ZNF618: variants seen among roughly 807,000 people sequenced by gnomAD.
ZNF618 encodes the protein zinc finger protein 618.
ZNF618 carries 34 observed loss-of-function variants against 103.0 expected under a neutral mutation model. That is an observed-to-expected ratio of 0.33 (90% confidence interval 0.25 to 0.44). ZNF618 has a LOEUF of 0.44. ZNF618 is among the 20% of genes least tolerant of loss of function. The probability of loss-of-function intolerance (pLI) is 1.00; values close to 1 mark genes in which losing one functional copy is unlikely to be tolerated. For missense variants in ZNF618, 1,059 were observed against 1,295.4 expected, an observed-to-expected ratio of 0.82 and a Z score of 2.80; for synonymous variants, 551 against 542.2, an observed-to-expected ratio of 1.02 and a Z score of -0.23.
At chr9:113,986,630 G>T (rs1839508810) in intron 2 of ZNF618, among the ~76,000 whole-genome samples, 1 of 152,098 alleles carries the variant, frequency 6.6e-6, no homozygotes, top group Non-Finnish European at 1.5e-5. Flanking sequence ...GGCCCCTCCA[G>T]TGTGACCTCA....
At chr9:113,932,668 T>A (rs575904963) in intron 1 of ZNF618, among the ~76,000 whole-genome samples, 2 of 152,226 alleles carry the variant, frequency 1.3e-5, no homozygotes, top group East Asian at 3.9e-4. Flanking sequence ...ATGAAGGAAT[T>A]GAGGCTAACC....
At chr9:113,898,466 G>T (rs1830234358) in intron 1 of ZNF618, among the ~76,000 whole-genome samples, 1 of 148,808 alleles carries the variant, frequency 6.7e-6, no homozygotes, top group African/African-American at 2.5e-5. Context: ...TAAGAGATGG[G>T]GTCTTGCCTT....
In ZNF618 at chr9:113,881,848, C is replaced by T. The variant is rs75304877; in HGVS notation, c.33+5435C>T. Among the ~76,000 whole-genome samples the T allele has an allele frequency of 3.0e-4, 45 of 152,272 alleles. 1 individual carries two copies. In the East Asian group the frequency reaches 8.5e-3, roughly 29 times the overall value. On this transcript the variant is annotated intron_variant, in intron 1 of 14. Transcript: ENST00000374126. ...TAGCCCACATTTCCCTTTTATTTGT[C>T]CCAACGCAGACTTCTGCCAGGGTTA...
At chr9:114,014,905 A>G (rs1177359154) in intron 9 of ZNF618, among the ~76,000 whole-genome samples, 2 of 152,222 alleles carry the variant, frequency 1.3e-5, no homozygotes, top group East Asian at 3.8e-4. Flanking sequence ...GTTACTAAAT[A>G]TAGTTCACAG....
Position 114,002,606 on chromosome 9 carries a change from C to T in ZNF618, c.512-18C>T, listed in dbSNP as rs1176702411. 1.9e-6 allele frequency: 3 copies of T among 1,601,410 alleles called. No individual in the cohort carries two copies. The highest frequency in any genetic ancestry group is 2.6e-6 in the Non-Finnish European group (3 of 1,173,538). ...GCCCGGTAGCCCCACCCCCATCCCT[C>T]TCTCTCTCTCTTTGCAGACACCGAA... On this transcript the variant is annotated intron_variant, in intron 5 of 14. Transcript: ENST00000374126.
chr9:113,953,187 C>T (rs1384801154), intron 1 of ZNF618, among the ~76,000 whole-genome samples: 1 of 152,148 alleles, frequency 6.6e-6, no homozygotes, highest in Non-Finnish European at 1.5e-5. Flanking sequence ...CTGTTCGGCT[C>T]CCAGGTGGAG....
intron 1 of ZNF618, among the ~76,000 whole-genome samples, chr9:113,962,124 C>T (rs1292618731): frequency 1.3e-5 from 2 of 152,136 alleles, no homozygotes; most frequent in East Asian, 1.9e-4. Context: ...TCTCATTCGG[C>T]GTAACTTATC....
chr9:114,050,161 G>A lies in ZNF618; in HGVS notation c.2859G>A (p.Met953Ile), dbSNP rs765800326. ...AACTCATGTTTCTGAAATCCAACATGCTTTAAGACTTGACTTCGGGGGAAA... is the reference window on the plus strand; with the variant it reads ...AACTCATGTTTCTGAAATCCAACATACTTTAAGACTTGACTTCGGGGGAAA... ...MNKLMFLKSN[M>I]L The change falls in exon 15 of 15, where the codon ATG (methionine) becomes ATA (isoleucine). Residue 953 changes from methionine to isoleucine, a missense_variant. By Grantham distance (10) the Met-to-Ile change is conservative. Around this residue, in one of 6 missense-constraint regions of ZNF618, gnomAD observed 156 missense variants for 197.1 expected, o/e 0.79. Transcript: ENST00000374126. The A allele has an allele frequency of 6.5e-7, 1 of 1,539,374 alleles. No homozygotes were observed. Among genetic ancestry groups the A allele is most frequent in the Non-Finnish European group, 8.7e-7 (1 of 1,148,626 alleles).
intron 4 of ZNF618, among the ~76,000 whole-genome samples, chr9:113,999,205 G>A (rs1840925697): frequency 6.6e-6 from 1 of 152,054 alleles, no homozygotes; most frequent in Admixed American, 6.5e-5. Flanking sequence ...CGCAGGTGGG[G>A]GCCCTGGGCT....
chr9:114,042,384 T>G (rs367782225), intron 13 of ZNF618, among the ~76,000 whole-genome samples: 1 of 152,264 alleles, frequency 6.6e-6, no homozygotes, highest in African/African-American at 2.4e-5. Context: ...TAAAAATACA[T>G]AACAGTGGCT....
chr9:113,903,706 CAG>C (rs1830741346), intron 1 of ZNF618, among the ~76,000 whole-genome samples: 1 of 152,042 alleles, frequency 6.6e-6, no homozygotes, highest in Non-Finnish European at 1.5e-5. Flanking sequence ...TCGAGGTTGA[CAG>C]GGTTTTTTGT....
intron 3 of ZNF618, among the ~76,000 whole-genome samples, 178 bp from the exon 4 acceptor site, chr9:113,998,081 G>A (rs887365448): frequency 3.3e-5 from 5 of 152,346 alleles, no homozygotes; most frequent in Middle Eastern, 3.4e-3. Context: ...ATTCTGCCAT[G>A]TGCCAGCCTC....
At chr9:113,896,099 G>T (rs1830017413) in intron 1 of ZNF618, among the ~76,000 whole-genome samples, 1 of 151,742 alleles carries the variant, frequency 6.6e-6, no homozygotes, top group South Asian at 2.1e-4. Context: ...TGGTATTCAG[G>T]GAGTATTTTG....
chr9:114,033,272 G>C (rs1844260353), intron 12 of ZNF618, among the ~76,000 whole-genome samples: 1 of 152,126 alleles, frequency 6.6e-6, no homozygotes, highest in African/African-American at 2.4e-5. Flanking sequence ...TGTAGTCCCA[G>C]TTACTCAGGA....
intron 1 of ZNF618, among the ~76,000 whole-genome samples, chr9:113,963,190 T>G (rs1301815263): frequency 6.6e-6 from 1 of 152,200 alleles, no homozygotes; most frequent in East Asian, 1.9e-4. Flanking sequence ...TGGTGGGTGC[T>G]TCTTGCAAGC....
chr9:113,911,371 C>T (rs530445912), intron 1 of ZNF618, among the ~76,000 whole-genome samples: 64 of 152,134 alleles, frequency 4.2e-4, no homozygotes, highest in Non-Finnish European at 7.1e-4. Context: ...TCTAGTCACC[C>T]AGGCTAGAGT....
At chr9:114,006,817 T>C (rs1029422970) in intron 6 of ZNF618, among the ~76,000 whole-genome samples, 3 of 152,128 alleles carry the variant, frequency 2.0e-5, no homozygotes, top group Non-Finnish European at 4.4e-5. Context: ...ACAACCCTGC[T>C]AGGGTTCTGT....
rs1243821210 is a variant in ZNF618 at position 113,988,450 on chromosome 9, C to A, written c.207C>A (p.Asp69Glu). The A allele has an allele frequency of 1.2e-6, 2 of 1,613,664 alleles. No individual in the cohort carries two copies. The highest frequency in any genetic ancestry group is 2.2e-5 in the South Asian group (2 of 91,072). Residue 69 changes from aspartate (D) to glutamate (E), a missense_variant, in exon 3 of 15, where the codon GAC becomes GAA. Physicochemically the swap from Asp to Glu is conservative, Grantham distance 45. This residue lies in a region of ZNF618 where 194 missense variants were observed against 209.0 expected (regional missense o/e 0.93). Coordinates refer to ENST00000374126, the MANE Select transcript of ZNF618 (RefSeq NM_001318042.2). Reference protein sequence around the residue: ...EVKVKTELPDDYIQEVIWQGE... With the variant: ...EVKVKTELPDEYIQEVIWQGE... ...AGGTGAAGACAGAGCTGCCCGATGA[C>A]TACATCCAGGAGGTGATCTGGCAGG...
At chr9:113,878,972 T>A (rs1211913166) in intron 1 of ZNF618, among the ~76,000 whole-genome samples, 1 of 152,162 alleles carries the variant, frequency 6.6e-6, no homozygotes, top group Non-Finnish European at 1.5e-5. Flanking sequence ...CCTTCAGGGC[T>A]GACTGGTCAC....
Sources: allele counts gnomAD v4.1 joint callset (sites outside exome capture counted in the v4.1 genomes callset), GRCh38; gene constraint gnomAD v4.1.1; regional missense constraint gnomAD v4.1.1; transcripts MANE v1.5; gene names NCBI Gene and HGNC (gene_info 2026-07-23, HGNC 2026-07-21).